FNDC3A: variants seen among roughly 807,000 people sequenced by gnomAD.
FNDC3A encodes fibronectin type-III domain-containing protein 3A.
In FNDC3A, 32 loss-of-function variants were observed where a neutral mutation model predicts 148.9. That is an observed-to-expected ratio of 0.21 (90% CI 0.16 to 0.29). The LOEUF is 0.29. FNDC3A is among the 10% of genes least tolerant of loss of function. The pLI is 1.00. For synonymous variants in FNDC3A, 472 were observed against 473.6 expected (o/e 1.00, Z 0.04); for missense variants, 1,191 against 1,452.8 (o/e 0.82, Z 2.93).
Position 49,047,219 on chromosome 13 carries a change from T to C in FNDC3A, c.100-28070T>C, listed in dbSNP as rs547936245. On this transcript the variant is annotated intron_variant, in intron 2 of 25. Transcript: ENST00000492622. ...CACATTTTCTTTATTCACTCATTGATTGATGGACATTTGGGCTGGTTACAT... is the reference window on the plus strand; with the variant it reads ...CACATTTTCTTTATTCACTCATTGACTGATGGACATTTGGGCTGGTTACAT... Among the ~76,000 whole-genome samples the C allele has an allele frequency of 2.6e-5, 4 of 152,302 alleles. No individual in the cohort carries two copies. In the South Asian group the frequency reaches 8.3e-4, roughly 32 times the overall value.
intron 8 of FNDC3A, among the ~76,000 whole-genome samples, chr13:49,163,111 T>G (rs1179128216): frequency 6.6e-6 from 1 of 152,224 alleles, no homozygotes; most frequent in Non-Finnish European, 1.5e-5. Context: ...GGAGGCAGTC[T>G]GTCCCTTCTC....
rs1420925216 is a variant in FNDC3A, at chr13:49,207,192, G to T, written c.3394G>T (p.Asp1132Tyr). 1 of 1,614,140 alleles carries T rather than the reference G, an allele frequency of 6.2e-7. No homozygotes were observed. The highest frequency in any genetic ancestry group is 2.2e-5 in the East Asian group (1 of 44,872). The change falls in exon 26 of 26, where the codon GAC becomes TAC. Residue 1132 changes from aspartate (D) to tyrosine (Y), a missense_variant. This residue lies in a region of FNDC3A where 751 missense variants were observed against 944.0 expected (regional missense o/e 0.80). Coordinates refer to ENST00000492622, the MANE Select transcript of FNDC3A (RefSeq NM_001079673.2). ...RQCQDSLGHQ[D>Y]LVGPYSTTVL... is the part of the protein sequence containing the mutation. ...GTGCCAAGACTCTCTGGGACACCAG[G>T]ACCTCGTAGGTCCCTACAGCACCAC...
rs372720819 is a variant in FNDC3A, at chr13:49,110,300, C to CAAA, written c.176-4344_176-4342dup. 38 of 1,257,824 alleles carry CAAA rather than the reference C, an allele frequency of 3.0e-5. No homozygotes were observed. The African/African-American group carries it at 3.1e-4, about 10-fold the overall frequency. The allele number at this position is 1,257,824 out of a possible 1,614,324, so 77.9% of individuals were successfully genotyped here. On this transcript the variant is annotated intron_variant, in intron 3 of 25. Transcript: ENST00000492622. The stretch of plus-strand genomic sequence containing the variant: ...AGGATCTTTTCCTCTTACAGCCTTG[C>CAAA]AAAAAAAAAAAAAGCCGTTCTCCAA...
chr13:49,056,253 A>G (rs1438227944), intron 2 of FNDC3A, among the ~76,000 whole-genome samples: 2 of 151,994 alleles, frequency 1.3e-5, no homozygotes, highest in South Asian at 2.1e-4. Context: ...CCTGGACTCA[A>G]GCAATCCTCC....
intron 3 of FNDC3A, among the ~76,000 whole-genome samples, chr13:49,093,419 G>A (rs969979849): frequency 1.3e-5 from 2 of 152,166 alleles, no homozygotes; most frequent in African/African-American, 4.8e-5. Flanking sequence ...TTAGCTAATG[G>A]TTATCGAACG....
chr13:49,178,504 T>C (rs1159853281), intron 13 of FNDC3A, 64 bp from the exon 14 acceptor site: 1 of 996,994 alleles, frequency 1.0e-6, no homozygotes, highest in African/African-American at 1.6e-5. Flanking sequence ...TTTTCACATA[T>C]TCATTATTGC....
chr13:49,131,598 C>T (rs1315321497), intron 5 of FNDC3A, among the ~76,000 whole-genome samples: 1 of 152,158 alleles, frequency 6.6e-6, no homozygotes, highest in Non-Finnish European at 1.5e-5. Context: ...TTATATCATG[C>T]AGCACTACTT....
Position 49,175,546 on chromosome 13 carries a change from G to A in FNDC3A, c.1530+5G>A. 1 of 1,585,200 alleles carries A rather than the reference G, an allele frequency of 6.3e-7. No individual in the cohort carries two copies. The highest frequency in any genetic ancestry group is 8.6e-7 in the Non-Finnish European group (1 of 1,161,098). On this transcript the variant is annotated splice_donor_5th_base_variant and intron_variant, in intron 13 of 25. Coordinates refer to ENST00000492622, the MANE Select transcript of FNDC3A (RefSeq NM_001079673.2). ...GAGATGGAGGAAGAAACTTCAGTAA[G>A]TGCAAATATGGATTTTAAATAGTGT...
rs1315564699 is a variant in FNDC3A at position 49,110,240 on chromosome 13, C to A, written c.176-4415C>A. On this transcript the variant is annotated intron_variant, in intron 3 of 25. Coordinates refer to ENST00000492622, the MANE Select transcript of FNDC3A (RefSeq NM_001079673.2). Reference sequence around the variant, plus strand: ...CCCCTTGCCCTTTCCTGGGTCACTGCAGGTCACGTGATGACTGTCACGTGA... The same window carrying A: ...CCCCTTGCCCTTTCCTGGGTCACTGAAGGTCACGTGATGACTGTCACGTGA... 5 of 931,762 alleles carry A rather than the reference C, an allele frequency of 5.4e-6. No homozygotes were observed. In the African/African-American group the frequency reaches 6.9e-5, roughly 13 times the overall value. 57.7% of individuals were successfully genotyped at this position (931,762 alleles called of 1,614,324 possible).
intron 23 of FNDC3A, among the ~76,000 whole-genome samples, chr13:49,199,488 C>T (rs182452642): frequency 3.7e-3 from 563 of 151,986 alleles, no homozygotes; most frequent in African/African-American, 0.013. Flanking sequence ...CCACCACGCC[C>T]GGCTAATTTT....
intron 11 of FNDC3A, among the ~76,000 whole-genome samples, chr13:49,173,123 G>C (rs531639768): frequency 6.6e-6 from 1 of 152,340 alleles, no homozygotes. Flanking sequence ...TGGGCCGCAG[G>C]TTGGACAAGC....
At chr13:49,175,702 T>C (rs1884994179) in intron 13 of FNDC3A, among the ~76,000 whole-genome samples, 161 bp downstream of exon 13, 1 of 152,232 alleles carries the variant, frequency 6.6e-6, no homozygotes, top group African/African-American at 2.4e-5. Context: ...TTTATTTCTT[T>C]CTCTTGCCTG....
At chr13:49,111,889 C>T (rs1880602632) in intron 3 of FNDC3A, among the ~76,000 whole-genome samples, 1 of 152,062 alleles carries the variant, frequency 6.6e-6, no homozygotes, top group Non-Finnish European at 1.5e-5. Context: ...TTTTAGCTTA[C>T]ATTTCTCTTT....
intron 3 of FNDC3A, among the ~76,000 whole-genome samples, chr13:49,090,564 A>G (rs1260167124): frequency 1.3e-5 from 2 of 152,086 alleles, no homozygotes; most frequent in African/African-American, 2.4e-5. Context: ...AGCCATTGTT[A>G]TTGTACGACC....
intron 2 of FNDC3A, among the ~76,000 whole-genome samples, chr13:49,051,194 T>G (rs551008205): frequency 6.6e-6 from 1 of 152,202 alleles, no homozygotes; most frequent in Admixed American, 6.5e-5. Flanking sequence ...TTGCACTATT[T>G]GTTGCCTGAA....
At chr13:49,115,187 G>A (rs908655412) in intron 4 of FNDC3A, among the ~76,000 whole-genome samples, 1 of 125,514 alleles carries the variant, frequency 8.0e-6, no homozygotes, top group Non-Finnish European at 1.6e-5. Context: ...GGGATGAGGG[G>A]GGGGGGGAAA....
chr13:49,019,457 C>T (rs1457231611), intron 2 of FNDC3A, among the ~76,000 whole-genome samples: 6 of 152,218 alleles, frequency 3.9e-5, no homozygotes, highest in Admixed American at 6.5e-5. Flanking sequence ...CGCCCTGCTT[C>T]GGCTCACGCA....
intron 1 of FNDC3A, among the ~76,000 whole-genome samples, chr13:48,986,890 A>G (rs1056167976): frequency 1.3e-5 from 2 of 152,016 alleles, no homozygotes; most frequent in Non-Finnish European, 2.9e-5. Flanking sequence ...TTATGATAAA[A>G]TTATTTTGGA....
At chr13:49,065,744 CAA>C (rs966922855) in intron 2 of FNDC3A, among the ~76,000 whole-genome samples, 2 of 152,188 alleles carry the variant, frequency 1.3e-5, no homozygotes, top group Non-Finnish European at 2.9e-5. Context: ...AATAAGGGGA[CAA>C]GAGGGGACCT....
Sources: allele counts gnomAD v4.1 joint callset (sites outside exome capture counted in the v4.1 genomes callset), GRCh38; gene constraint gnomAD v4.1.1; regional missense constraint gnomAD v4.1.1; transcripts MANE v1.5; gene names NCBI Gene and HGNC (gene_info 2026-07-23, HGNC 2026-07-21).